Variants in SFMBT2 observed in about 807,000 individuals in gnomAD.
SFMBT2 encodes scm-like with four MBT domains protein 2.
In SFMBT2, 38 loss-of-function variants were observed where a neutral mutation model predicts 110.1. The ratio of observed to expected loss-of-function variants is 0.35; its 90% CI spans 0.27 to 0.45. The LOEUF (loss-of-function observed/expected upper bound fraction) is 0.45. Ranked by LOEUF, SFMBT2 falls within the 20% of genes least tolerant of loss-of-function variation. SFMBT2 has a pLI of 1.00. For missense variants in SFMBT2, 1,011 were observed against 1,094.9 expected (o/e 0.92, Z 1.08); for synonymous variants, 425 against 425.4 (o/e 1.00, Z 0.01).
At chr10:7,309,038 G>A (rs1842774189) in intron 4 of SFMBT2, among the ~76,000 whole-genome samples, 1 of 152,196 alleles carries the variant, frequency 6.6e-6, no homozygotes, top group Admixed American at 6.5e-5. Flanking sequence ...GGACCACGAG[G>A]TGCCCAGATA....
At chr10:7,377,960 T>TA (rs1554811938) in intron 2 of SFMBT2, among the ~76,000 whole-genome samples, 1 of 42,184 alleles carries the variant, frequency 2.4e-5, no homozygotes, top group Admixed American at 2.4e-4. Context: ...AAATTTTGTG[T>TA]GGGGGGGGGT....
At chr10:7,206,379 C>G (rs981081629) in intron 11 of SFMBT2, 6 of 985,270 alleles carry the variant, frequency 6.1e-6, no homozygotes, top group Admixed American at 1.2e-4. Flanking sequence ...CCACCTAACA[C>G]CAAGTAAAGG....
At chr10:7,254,316 T>C (rs1840923906) in intron 7 of SFMBT2, among the ~76,000 whole-genome samples, 1 of 151,988 alleles carries the variant, frequency 6.6e-6, no homozygotes, top group Non-Finnish European at 1.5e-5. Context: ...AGCTATTGCA[T>C]GGAATACACA....
At chr10:7,199,393 T>C (rs1469462308) in intron 14 of SFMBT2, among the ~76,000 whole-genome samples, 1 of 152,120 alleles carries the variant, frequency 6.6e-6, no homozygotes, top group Non-Finnish European at 1.5e-5. Context: ...CACAGTGGAA[T>C]TTCTGCAAAA....
chr10:7,269,897 T>A (rs1449206447), intron 7 of SFMBT2, among the ~76,000 whole-genome samples: 1 of 151,602 alleles, frequency 6.6e-6, no homozygotes, highest in East Asian at 2.0e-4. Context: ...ATCCATACCA[T>A]TTCTCTGAAC....
intron 9 of SFMBT2, among the ~76,000 whole-genome samples, chr10:7,241,649 ATGTT>A (rs1367794297): frequency 1.3e-5 from 2 of 152,212 alleles, no homozygotes; most frequent in East Asian, 3.8e-4. Context: ...CTTTCATTGA[ATGTT>A]TAACAGTTCA....
At chr10:7,362,946 A>C (rs1160121884) in intron 4 of SFMBT2, among the ~76,000 whole-genome samples, 1 of 152,210 alleles carries the variant, frequency 6.6e-6, no homozygotes, top group Non-Finnish European at 1.5e-5. Flanking sequence ...ATTATATAGG[A>C]AAACTAGCAC....
intron 12 of SFMBT2, chr10:7,205,321 G>T (rs1418376056): frequency 1.3e-6 from 1 of 750,622 alleles, no homozygotes; most frequent in Non-Finnish European, 1.6e-6. Context: ...CAAAATCCTG[G>T]GCTCAAGCAT....
intron 7 of SFMBT2, among the ~76,000 whole-genome samples, chr10:7,256,433 T>G (rs566174635): frequency 6.6e-6 from 1 of 152,276 alleles, no homozygotes; most frequent in African/African-American, 2.4e-5. Context: ...AGTTTTGCTG[T>G]TAATTCCTCG....
chr10:7,376,727 CAAAAAAAAAA>C (rs35816107), intron 2 of SFMBT2, among the ~76,000 whole-genome samples: 1 of 44,736 alleles, frequency 2.2e-5, no homozygotes. Context: ...GGCCCTCCCA[CAAAAAAAAAA>C]AAAAAAAAAA....
At chr10:7,276,436 T>A (rs1536498) in intron 7 of SFMBT2, among the ~76,000 whole-genome samples, 94,088 of 151,882 alleles carry the variant, frequency 0.62, 29,940 homozygotes, top group East Asian at 0.79. Context: ...ATTATTTTTT[T>A]AAAAAGCAAC....
Position 7,171,015 on chromosome 10 carries a change from G to A in SFMBT2, c.2457C>T (p.Ser819=). 1.2e-6 allele frequency: 2 copies of A among 1,614,186 alleles called. No homozygotes were observed. The highest frequency in any genetic ancestry group is 2.2e-5 in the South Asian group (2 of 91,076). ...QEEEERLVLE[S]NPLEWTVTDV... ...CGGTGACCGTCCACTCCAACGGGTTGCTCTCCAGAACCAGTCTCTCCTCCT... is the reference window on the plus strand; with the variant it reads ...CGGTGACCGTCCACTCCAACGGGTTACTCTCCAGAACCAGTCTCTCCTCCT... Residue 819 remains serine, a synonymous_variant, in exon 20 of 21, where the codon AGC becomes AGT. Transcript: ENST00000397167. The surrounding 1 kb of genome is among the most constrained non-coding windows in gnomAD (Gnocchi z 4.9).
At chr10:7,209,215 C>T (rs950131467) in intron 11 of SFMBT2, among the ~76,000 whole-genome samples, 1 of 152,234 alleles carries the variant, frequency 6.6e-6, no homozygotes, top group African/African-American at 2.4e-5. Flanking sequence ...CACAATGCTT[C>T]TCCTTGATTA....
chr10:7,352,920 G>T (rs1030164153), intron 4 of SFMBT2, among the ~76,000 whole-genome samples: 1 of 152,154 alleles, frequency 6.6e-6, no homozygotes, highest in Admixed American at 6.5e-5. Context: ...TGAGGCAGGA[G>T]AATGGTGTGA....
intron 12 of SFMBT2, chr10:7,204,472 T>A (rs1016055519): frequency 1.4e-5 from 14 of 984,040 alleles, no homozygotes; most frequent in Non-Finnish European, 6.0e-6. Flanking sequence ...ACTCATCATT[T>A]TAAATAACAC....
intron 2 of SFMBT2, among the ~76,000 whole-genome samples, chr10:7,381,056 C>G (rs1845405367): frequency 6.7e-6 from 1 of 149,220 alleles, no homozygotes; most frequent in Admixed American, 6.6e-5. Context: ...TCAAAACACA[C>G]ACACACACAT....
intron 1 of SFMBT2, among the ~76,000 whole-genome samples, chr10:7,395,333 G>C (rs1180441382): frequency 1.3e-5 from 2 of 152,226 alleles, no homozygotes; most frequent in African/African-American, 2.4e-5. Context: ...AGAATCTTGA[G>C]GGCTTCCCTC....
intron 4 of SFMBT2, among the ~76,000 whole-genome samples, chr10:7,346,086 A>G (rs1588467246): frequency 6.6e-6 from 1 of 152,170 alleles, no homozygotes; most frequent in African/African-American, 2.4e-5. Context: ...TCCTTGCTTC[A>G]AGATTAACGT....
At chr10:7,306,551 C>A (rs186773280) in intron 4 of SFMBT2, among the ~76,000 whole-genome samples, 10 of 152,240 alleles carry the variant, frequency 6.6e-5, no homozygotes, top group African/African-American at 2.2e-4. Flanking sequence ...AGTTCGCTAA[C>A]CCCCGCTGTA....
Sources: allele counts gnomAD v4.1 joint callset (sites outside exome capture counted in the v4.1 genomes callset), GRCh38; gene constraint gnomAD v4.1.1; non-coding constraint Gnocchi (gnomAD v3.1); transcripts MANE v1.5; gene names NCBI Gene and HGNC (gene_info 2026-07-23, HGNC 2026-07-21).